JARID2: variants seen among roughly 807,000 people sequenced by gnomAD.
The protein encoded by JARID2 is protein Jumonji.
Under a neutral mutation model 125.6 loss-of-function variants are expected in JARID2, and 21 were observed. That is an observed-to-expected ratio of 0.17 (90% CI 0.12 to 0.24). The LOEUF is 0.24. Among genes scored for constraint, JARID2 ranks in the 10% least tolerant of loss-of-function variants. The pLI is 1.00. For synonymous variants in JARID2, 736 were observed against 661.6 expected (o/e 1.11, Z -1.73); for missense variants, 1,303 against 1,639.6 (o/e 0.79, Z 3.55).
In JARID2 at chr6:15,416,558, C is replaced by T. The variant is rs1020362123; in HGVS notation, c.323+6193C>T. Among the ~76,000 whole-genome samples, 31 of 149,510 alleles carry T rather than the reference C, an allele frequency of 2.1e-4. 1 individual carries two copies. Among genetic ancestry groups the T allele is most frequent in the South Asian group, 4.3e-4 (2 of 4,650 alleles). On this transcript the variant is annotated intron_variant, in intron 3 of 17. Transcript: ENST00000341776. The stretch of plus-strand genomic sequence containing the variant: ...CGAAAACCAGTCAGGCGTGGTGGCG[C>T]GCGCCTGCAATGGCAGGCACTCGGC...
intron 8 of JARID2, 142 bp from the exon 9 acceptor site, chr6:15,504,358 T>C (rs760659): frequency 0.77 from 484,190 of 626,954 alleles, 188,952 homozygotes; most frequent in East Asian, 0.9. Flanking sequence ...CTTCCTTCTC[T>C]GCCTGTCATT....
At chr6:15,259,702 A>G (rs1318214308) in intron 1 of JARID2, among the ~76,000 whole-genome samples, 1 of 152,190 alleles carries the variant, frequency 6.6e-6, no homozygotes, top group African/African-American at 2.4e-5. Flanking sequence ...GGGTTTGGTT[A>G]ACGTTCAGTT....
At chr6:15,391,128 G>A (rs1764984452) in intron 2 of JARID2, among the ~76,000 whole-genome samples, 2 of 137,158 alleles carry the variant, frequency 1.5e-5, no homozygotes, top group African/African-American at 5.2e-5. Context: ...CCTAAGGGAC[G>A]GTTTTCAAGT....
At chr6:15,499,112 C>CT (rs11432586) in intron 7 of JARID2, among the ~76,000 whole-genome samples, 7,330 of 152,306 alleles carry the variant, frequency 0.048, 217 homozygotes, top group African/African-American at 0.082. Flanking sequence ...ACCCAGAAGT[C>CT]TAAGGCGTCT....
At chr6:15,509,423 C>G in intron 12 of JARID2, 1 of 922,284 alleles carries the variant, frequency 1.1e-6, no homozygotes, top group Non-Finnish European at 1.3e-6. Context: ...CTCATTTTGG[C>G]TGTTCTGGTG....
rs556802112 is a variant in JARID2 at position 15,507,524 on chromosome 6, G to A, written c.2731+108G>A. 385 of 839,866 alleles carry A rather than the reference G, an allele frequency of 4.6e-4. 3 individuals are homozygous for A. The Middle Eastern group carries it at 6.0e-3, about 13-fold the overall frequency. 52.0% of individuals were successfully genotyped at this position (839,866 alleles called of 1,614,324 possible). On this transcript the variant is annotated intron_variant, in intron 11 of 17. Coordinates refer to ENST00000341776, the MANE Select transcript of JARID2 (RefSeq NM_004973.4). ...CTAAGCACTGCCGGGGAGGGATGGCGTCTTCAGGCTTACAGGACATACAGT... is the reference window on the plus strand; with the variant it reads ...CTAAGCACTGCCGGGGAGGGATGGCATCTTCAGGCTTACAGGACATACAGT...
chr6:15,431,562 T>G (rs1447503549), intron 3 of JARID2, among the ~76,000 whole-genome samples: 1 of 152,226 alleles, frequency 6.6e-6, no homozygotes, highest in Non-Finnish European at 1.5e-5. Context: ...GTAAACAAGC[T>G]CTTTACATAT....
chr6:15,480,819 A>C (rs79320268), intron 5 of JARID2, among the ~76,000 whole-genome samples: 1 of 152,322 alleles, frequency 6.6e-6, no homozygotes, highest in South Asian at 2.1e-4. Context: ...CTAGACATCA[A>C]AATCAAGAGT....
chr6:15,409,843 T>C (rs1442324620), intron 2 of JARID2, among the ~76,000 whole-genome samples: 1 of 152,220 alleles, frequency 6.6e-6, no homozygotes, highest in Non-Finnish European at 1.5e-5. Context: ...GATTTCAGTA[T>C]CTGTAGAGTC....
chr6:15,343,227 C>T (rs1418709436), intron 1 of JARID2, among the ~76,000 whole-genome samples: 1 of 74,950 alleles, frequency 1.3e-5, no homozygotes, highest in African/African-American at 5.3e-5. Flanking sequence ...GAAACTCCGT[C>T]AAAAAAAAAA....
At chr6:15,263,076 G>T (rs1246368963) in intron 1 of JARID2, among the ~76,000 whole-genome samples, 1 of 19,440 alleles carries the variant, frequency 5.1e-5, no homozygotes, top group Non-Finnish European at 1.0e-4. Context: ...GTGTGTGTTT[G>T]TGTGTGTGTG....
intron 1 of JARID2, chr6:15,368,881 C>T (rs890137793): frequency 8.4e-6 from 3 of 358,486 alleles, no homozygotes; most frequent in African/African-American, 6.4e-5. Context: ...GCTTCTGAAA[C>T]TTGACCGTGT....
At chr6:15,366,650 A>G (rs1020315259) in intron 1 of JARID2, among the ~76,000 whole-genome samples, 3 of 152,018 alleles carry the variant, frequency 2.0e-5, no homozygotes, top group African/African-American at 7.2e-5. Flanking sequence ...TTGGTCTCCT[A>G]TGGCCCCATC....
At chr6:15,421,527 A>G (rs942686170) in intron 3 of JARID2, among the ~76,000 whole-genome samples, 1 of 152,228 alleles carries the variant, frequency 6.6e-6, no homozygotes, top group Admixed American at 6.5e-5. Context: ...ATTCCATAAT[A>G]AAGCCTGTGA....
chr6:15,384,635 G>A (rs1764713638), intron 2 of JARID2, among the ~76,000 whole-genome samples: 1 of 152,010 alleles, frequency 6.6e-6, no homozygotes. Context: ...TGTTGCCTAG[G>A]CTGGAGTGCA....
At chr6:15,515,154 C>T (rs1177686404) in intron 16 of JARID2, among the ~76,000 whole-genome samples, 1 of 152,084 alleles carries the variant, frequency 6.6e-6, no homozygotes, top group African/African-American at 2.4e-5. Context: ...ATCCTCCCAC[C>T]TCAGCCTCCT....
intron 5 of JARID2, among the ~76,000 whole-genome samples, chr6:15,472,911 C>T (rs1769145939): frequency 6.6e-6 from 1 of 152,200 alleles, no homozygotes; most frequent in South Asian, 2.1e-4. Context: ...CTTTCTATTG[C>T]TATGCCTGGG....
At chr6:15,390,508 A>C (rs889492794) in intron 2 of JARID2, among the ~76,000 whole-genome samples, 3 of 152,148 alleles carry the variant, frequency 2.0e-5, no homozygotes, top group Admixed American at 2.0e-4. Context: ...ATTGCCATCA[A>C]GTGGCTGTTC....
chr6:15,300,727 G>A (rs1205179291), intron 1 of JARID2, among the ~76,000 whole-genome samples: 3 of 120,412 alleles, frequency 2.5e-5, no homozygotes, highest in Admixed American at 7.8e-5. Flanking sequence ...GTGTGTGAGA[G>A]AGAGAGAGAG....
Sources: allele counts gnomAD v4.1 joint callset (sites outside exome capture counted in the v4.1 genomes callset), GRCh38; gene constraint gnomAD v4.1.1; transcripts MANE v1.5; gene names NCBI Gene and HGNC (gene_info 2026-07-23, HGNC 2026-07-21).